Variants in MMADHC observed in about 807,000 individuals in gnomAD.
MMADHC encodes cobalamin trafficking protein CblD.
Under a neutral mutation model 36.3 loss-of-function variants are expected in MMADHC, and 23 were observed. The observed-to-expected ratio is 0.63, with a 90% confidence interval of 0.46 to 0.90. The LOEUF is 0.90. MMADHC is among the 40% of genes least tolerant of loss of function. MMADHC has a pLI of 0.00. For missense variants in MMADHC, 330 were observed against 348.0 expected, an observed-to-expected ratio of 0.95 and a Z score of 0.41; for synonymous variants, 97 against 116.1, an observed-to-expected ratio of 0.84 and a Z score of 1.06.
intron 3 of MMADHC, 88 bp downstream of exon 3, chr2:149,582,039 T>C (rs1258811738): frequency 4.8e-6 from 7 of 1,447,244 alleles, no homozygotes; most frequent in African/African-American, 1.4e-5. Flanking sequence ...GAAAAATCCA[T>C]TAAGCCTTAA....
At chr2:149,582,399 C>A in intron 2 of MMADHC, 128 bp from the exon 3 acceptor site, 1 of 808,380 alleles carries the variant, frequency 1.2e-6, no homozygotes, top group South Asian at 1.5e-5. Context: ...TTTTACTGAA[C>A]ACCTACTATA....
chr2:149,584,133 T>C (rs1464790318), intron 2 of MMADHC, among the ~76,000 whole-genome samples: 1 of 152,218 alleles, frequency 6.6e-6, no homozygotes, highest in African/African-American at 2.4e-5. Flanking sequence ...TTTGGGTGTT[T>C]ATATAATACA....
intron 5 of MMADHC, among the ~76,000 whole-genome samples, chr2:149,576,161 A>C (rs1019916415): frequency 2.0e-5 from 3 of 151,910 alleles, no homozygotes; most frequent in African/African-American, 7.3e-5. Context: ...TTAACTCATA[A>C]AATTATAACT....
intron 2 of MMADHC, among the ~76,000 whole-genome samples, chr2:149,586,524 G>C (rs927602609): frequency 6.6e-6 from 1 of 152,064 alleles, no homozygotes; most frequent in African/African-American, 2.4e-5. Context: ...TTGCACCTTC[G>C]TGTAGGTTCT....
chr2:149,575,220 A>C (rs1682695344), intron 6 of MMADHC, among the ~76,000 whole-genome samples: 1 of 152,224 alleles, frequency 6.6e-6, no homozygotes, highest in Non-Finnish European at 1.5e-5. Flanking sequence ...TTTAGGTTAA[A>C]AGCAAACCAC....
rs759660977 is a variant in MMADHC at position 149,576,433 on chromosome 2, A to G, written c.478+4T>C. 7.6e-6 allele frequency: 12 copies of G among 1,587,166 alleles called. No individual in the cohort carries two copies. The highest frequency in any genetic ancestry group is 9.5e-6 in the Non-Finnish European group (11 of 1,155,494). ...AGTGTTTCAAAGTATAAAGCATGACATACCTTTTCGCAGCAATTCTGGACA... is the reference window on the plus strand; with the variant it reads ...AGTGTTTCAAAGTATAAAGCATGACGTACCTTTTCGCAGCAATTCTGGACA... On this transcript the variant is annotated splice_donor_region_variant and intron_variant, in intron 5 of 7. Transcript: ENST00000303319.
At chr2:149,577,128 T>C (rs552511615) in intron 4 of MMADHC, among the ~76,000 whole-genome samples, 2 of 152,256 alleles carry the variant, frequency 1.3e-5, no homozygotes, top group South Asian at 2.1e-4. Context: ...TAAATGCAAT[T>C]AAATATGACA....
At chr2:149,581,575 C>T (rs1682794647) in intron 3 of MMADHC, among the ~76,000 whole-genome samples, 1 of 152,136 alleles carries the variant, frequency 6.6e-6, no homozygotes, top group Admixed American at 6.5e-5. Context: ...GACTATCCCC[C>T]TACCCCCACT....
intron 2 of MMADHC, chr2:149,586,851 T>C (rs1356814377): frequency 2.0e-6 from 1 of 509,886 alleles, no homozygotes; most frequent in Non-Finnish European, 3.5e-6. Flanking sequence ...ACCGAAAGGG[T>C]GCTTGAATTT....
At position 149,570,012 on chromosome 2, in the gene MMADHC, G is replaced by A; in HGVS notation, c.853C>T (p.Pro285Ser). 1.9e-6 allele frequency: 3 copies of A among 1,613,468 alleles called. No homozygotes were observed. Among genetic ancestry groups the A allele is most frequent in the Non-Finnish European group, 2.5e-6 (3 of 1,179,604 alleles). ...AATTTCTTCATAATATGGCTGTCTG[G>A]TGTTGCATTAGTGAAGATACTCCCT... ...VVGSIFTNAT[P>S]DSHIMKKLSG... is the part of the protein sequence containing the mutation. The change falls in exon 8 of 8, where the codon CCA (proline) becomes TCA (serine). Residue 285 changes from proline (P) to serine (S), a missense_variant. Pro to Ser is a moderately conservative substitution (Grantham distance 74). Coordinates refer to ENST00000303319, the MANE Select transcript of MMADHC (RefSeq NM_015702.3).
intron 2 of MMADHC, among the ~76,000 whole-genome samples, chr2:149,586,419 G>A (rs1481495978): frequency 6.6e-6 from 1 of 152,098 alleles, no homozygotes; most frequent in East Asian, 1.9e-4. Flanking sequence ...TCATATTTTA[G>A]ACTATACAAA....
rs999642303 is a variant in MMADHC, at chr2:149,572,030, T to G, written c.610-859A>C. On this transcript the variant is annotated intron_variant, in intron 6 of 7. Transcript: ENST00000303319. Reference sequence around the variant, plus strand: ...TTGCTTTTCATTATATACTCTTCTCTGTTTTTTGTATAGTGTACAATTACT... The same window carrying G: ...TTGCTTTTCATTATATACTCTTCTCGGTTTTTTGTATAGTGTACAATTACT... Among the ~76,000 whole-genome samples the G allele has an allele frequency of 4.6e-5, 7 of 152,262 alleles. No homozygotes were observed. In the South Asian group the frequency reaches 6.2e-4, roughly 14 times the overall value.
chr2:149,576,487 C>G lies in MMADHC; in HGVS notation c.428G>C (p.Ser143Thr). 1 of 1,613,672 alleles carries G rather than the reference C, an allele frequency of 6.2e-7. No homozygotes were observed. Among genetic ancestry groups the G allele is most frequent in the Non-Finnish European group, 8.5e-7 (1 of 1,179,694 alleles). ...EINSAETYFESARVECAIQTC... is the reference protein window; with the variant it reads ...EINSAETYFETARVECAIQTC... ...CTGTATTGCACACTCTACTCTGGCA[C>G]TTTCAAAGTAAGTTTCTGCACTGTT... Residue 143 changes from serine to threonine, a missense_variant, in exon 5 of 8, where the codon AGT becomes ACT. Coordinates refer to ENST00000303319, the MANE Select transcript of MMADHC (RefSeq NM_015702.3).
chr2:149,585,988 A>AC (rs1682863954), intron 2 of MMADHC, among the ~76,000 whole-genome samples: 1 of 152,212 alleles, frequency 6.6e-6, no homozygotes, highest in South Asian at 2.1e-4. Flanking sequence ...CTTTGAAAGT[A>AC]CCACATACTT....
intron 6 of MMADHC, among the ~76,000 whole-genome samples, chr2:149,575,318 ACT>A (rs1229613529): frequency 6.7e-6 from 1 of 149,402 alleles, no homozygotes; most frequent in Non-Finnish European, 1.5e-5. Context: ...CATAATTTTC[ACT>A]CTTTATTTTG....
intron 3 of MMADHC, among the ~76,000 whole-genome samples, chr2:149,580,331 T>C (rs1465899115): frequency 6.6e-6 from 1 of 152,148 alleles, no homozygotes; most frequent in Non-Finnish European, 1.5e-5. Flanking sequence ...GGCATTCTGC[T>C]GCTGTTATCT....
chr2:149,572,153 A>G (rs114331686), intron 6 of MMADHC: 81 of 375,340 alleles, frequency 2.2e-4, no homozygotes, highest in African/African-American at 1.7e-3. Flanking sequence ...AAAGACAGTA[A>G]CAAATATTAA....
At chr2:149,587,276 T>C (rs1682886630) in intron 1 of MMADHC, 127 bp from the exon 2 acceptor site, 4 of 658,978 alleles carry the variant, frequency 6.1e-6, no homozygotes, top group Admixed American at 2.3e-5. Flanking sequence ...GCTCTCCCCG[T>C]ACCCTAAGGA....
chr2:149,570,061 A>T lies in MMADHC; in HGVS notation c.804T>A (p.Ser268Arg). Residue 268 changes from serine (S) to arginine (R), a missense_variant, in exon 8 of 8, where the codon AGT (serine) becomes AGA (arginine). Physicochemically the swap from Ser to Arg is moderately radical, Grantham distance 110. Coordinates refer to ENST00000303319, the MANE Select transcript of MMADHC (RefSeq NM_015702.3). ...CTACAACTACATGGGTACCCCAGAG[A>T]CTATGACGAATCACTTTACAGCATC... is the stretch of plus-strand genomic sequence containing the variant. Reference protein sequence around the residue: ...DLGCCKVIRHSLWGTHVVVGS... With the variant: ...DLGCCKVIRHRLWGTHVVVGS... 1 of 1,613,734 alleles carries T rather than the reference A, an allele frequency of 6.2e-7. No individual in the cohort carries two copies. The highest frequency in any genetic ancestry group is 1.1e-5 in the South Asian group (1 of 91,076).
Sources: gnomAD v4.1 joint callset for allele counts (sites outside exome capture counted in the v4.1 genomes callset) on GRCh38, gnomAD v4.1.1 for gene constraint, MANE v1.5 for transcripts, NCBI Gene and HGNC (gene_info 2026-07-23, HGNC 2026-07-21) for gene names.